Variants in EBF2 observed in about 807,000 individuals in gnomAD.
EBF2 encodes transcription factor COE2.
EBF2 carries 21 observed loss-of-function variants against 72.8 expected under a neutral mutation model. The observed-to-expected ratio is 0.29, with a 90% confidence interval of 0.20 to 0.42. EBF2 has a LOEUF of 0.42. Ranked by LOEUF, EBF2 falls within the 10% of genes least tolerant of loss-of-function variation. The pLI, the probability that EBF2 is intolerant of heterozygous loss-of-function variation, is 1.00. For missense variants in EBF2, 637 were observed against 731.2 expected, an observed-to-expected ratio of 0.87 and a Z score of 1.49; for synonymous variants, 299 against 274.2, an observed-to-expected ratio of 1.09 and a Z score of -0.89.
rs1252638155 is a variant in EBF2, at chr8:26,042,110, A to G, written c.273T>C (p.Phe91=). The change falls in exon 2 of 16, where the codon TTT becomes TTC. Residue 91 remains phenylalanine (F), a synonymous_variant. Coordinates refer to ENST00000520164, the MANE Select transcript of EBF2 (RefSeq NM_022659.4). The part of the protein sequence containing the change: ...VEIERTAFVD[F]VENDKEQGNE... ...TTCCGCTTACTTTGTCATTCTCCAC[A>G]AAGTCCACGAAGGCCGTCCGCTCGA... The G allele has an allele frequency of 6.2e-7, 1 of 1,613,464 alleles. No homozygotes were observed.
At chr8:25,874,185 TG>T (rs1287219859) in intron 10 of EBF2, among the ~76,000 whole-genome samples, 1 of 152,008 alleles carries the variant, frequency 6.6e-6, no homozygotes, top group African/African-American at 2.4e-5. Context: ...GGAAAAAAAA[TG>T]CGAAGTGGAT....
intron 6 of EBF2, among the ~76,000 whole-genome samples, chr8:25,995,834 CATTT>C (rs1234558684): frequency 2.6e-5 from 4 of 151,730 alleles, no homozygotes; most frequent in Non-Finnish European, 5.9e-5. Context: ...AAAGAGCTAA[CATTT>C]ATATTAATAA....
At chr8:25,889,634 A>AC (rs1802745308) in intron 8 of EBF2, 118 bp downstream of exon 8, 2 of 765,946 alleles carry the variant, frequency 2.6e-6, no homozygotes, top group African/African-American at 1.8e-5. Flanking sequence ...AAAAAAAAAA[A>AC]CCCACATTGT....
At chr8:26,039,263 G>GA in intron 5 of EBF2, among the ~76,000 whole-genome samples, 1 of 151,708 alleles carries the variant, frequency 6.6e-6, no homozygotes, top group Non-Finnish European at 1.5e-5. Context: ...GGTGGGGGGG[G>GA]AATGCACAGG....
At chr8:25,964,789 A>C (rs978820110) in intron 6 of EBF2, among the ~76,000 whole-genome samples, 4 of 152,230 alleles carry the variant, frequency 2.6e-5, no homozygotes, top group African/African-American at 9.6e-5. Flanking sequence ...GCTCTGAGAA[A>C]TCTCCAGTTC....
chr8:25,997,571 C>A (rs869032578), intron 6 of EBF2, among the ~76,000 whole-genome samples: 18 of 130,166 alleles, frequency 1.4e-4, no homozygotes, highest in African/African-American at 2.4e-4. Flanking sequence ...GATCCTATCT[C>A]AAAAAAAAAA....
chr8:26,039,256 G>C (rs553401684), intron 5 of EBF2, among the ~76,000 whole-genome samples: 1 of 140,272 alleles, frequency 7.1e-6, no homozygotes, highest in East Asian at 2.0e-4. Flanking sequence ...AAAAAAGGGT[G>C]GGGGGGGAAT....
At chr8:25,882,024 G>C (rs1422201629) in intron 10 of EBF2, among the ~76,000 whole-genome samples, 1 of 152,138 alleles carries the variant, frequency 6.6e-6, no homozygotes, top group Non-Finnish European at 1.5e-5. Context: ...AATTCTTCTG[G>C]TACACCAAAG....
At chr8:25,845,582 T>C (rs928456040) in intron 15 of EBF2, among the ~76,000 whole-genome samples, 2 of 152,182 alleles carry the variant, frequency 1.3e-5, no homozygotes, top group Non-Finnish European at 2.9e-5. Context: ...TCTTTCTCCC[T>C]TCATCGGGTC....
intron 10 of EBF2, among the ~76,000 whole-genome samples, chr8:25,883,416 T>C (rs1387513774): frequency 8.5e-5 from 3 of 35,296 alleles, no homozygotes; most frequent in African/African-American, 7.9e-4. Flanking sequence ...GCCATCTCCC[T>C]TTTTTTTTTT....
chr8:25,907,685 G>A (rs1803060260), intron 7 of EBF2, among the ~76,000 whole-genome samples: 2 of 152,002 alleles, frequency 1.3e-5, no homozygotes, highest in South Asian at 4.2e-4. Context: ...ATGGCTGCAA[G>A]GATTTACTTT....
intron 15 of EBF2, among the ~76,000 whole-genome samples, chr8:25,849,698 C>T (rs17806881): frequency 0.017 from 2,650 of 152,196 alleles, 37 homozygotes; most frequent in Non-Finnish European, 0.026. Flanking sequence ...ATATACTCAT[C>T]ACATTTGTGT....
intron 10 of EBF2, among the ~76,000 whole-genome samples, chr8:25,878,320 G>A (rs984244869): frequency 4.6e-5 from 7 of 152,312 alleles, no homozygotes; most frequent in Middle Eastern, 3.4e-3. Flanking sequence ...CACTCCAGGC[G>A]TCCAGAGTGC....
intron 6 of EBF2, among the ~76,000 whole-genome samples, chr8:25,933,262 A>G (rs1803514161): frequency 6.6e-6 from 1 of 152,202 alleles, no homozygotes; most frequent in African/African-American, 2.4e-5. Flanking sequence ...TGGACTCTGA[A>G]CCATCTATCA....
chr8:25,921,986 A>G (rs1033657209), intron 6 of EBF2, among the ~76,000 whole-genome samples: 3 of 152,216 alleles, frequency 2.0e-5, no homozygotes, highest in African/African-American at 7.2e-5. Context: ...TCTTGGAACA[A>G]GGTGAAACTG....
intron 6 of EBF2, among the ~76,000 whole-genome samples, chr8:26,025,767 G>A (rs965242798): frequency 6.6e-6 from 1 of 152,072 alleles, no homozygotes; most frequent in Non-Finnish European, 1.5e-5. Flanking sequence ...GTTTTGCTAG[G>A]AAACAACGGA....
At chr8:25,929,259 C>G (rs1803440420) in intron 6 of EBF2, among the ~76,000 whole-genome samples, 1 of 152,184 alleles carries the variant, frequency 6.6e-6, no homozygotes, top group Admixed American at 6.5e-5. Flanking sequence ...GGTCACACAG[C>G]TACCAGATGG....
chr8:25,961,197 T>C (rs549905805), intron 6 of EBF2, among the ~76,000 whole-genome samples: 1 of 152,318 alleles, frequency 6.6e-6, no homozygotes, highest in African/African-American at 2.4e-5. Flanking sequence ...ACATATCATT[T>C]ATATTATTCT....
intron 10 of EBF2, among the ~76,000 whole-genome samples, chr8:25,885,868 A>G (rs534833086): frequency 6.6e-5 from 10 of 152,282 alleles, no homozygotes; most frequent in Admixed American, 6.5e-4. Flanking sequence ...ATGAAAACGG[A>G]CTAATACACA....
Sources: gnomAD v4.1 joint callset for allele counts (sites outside exome capture counted in the v4.1 genomes callset) on GRCh38, gnomAD v4.1.1 for gene constraint, MANE v1.5 for transcripts, NCBI Gene and HGNC (gene_info 2026-07-23, HGNC 2026-07-21) for gene names.